ROBO2: variants seen among roughly 807,000 people sequenced by gnomAD.
The protein encoded by ROBO2 is roundabout homolog 2.
Under a neutral mutation model 160.8 loss-of-function variants are expected in ROBO2, and 53 were observed. The observed-to-expected ratio is 0.33, with a 90% CI of 0.26 to 0.41. The LOEUF (loss-of-function observed/expected upper bound fraction) is 0.41, where lower values mean the gene tolerates loss of function less well. Ranked by LOEUF, ROBO2 falls within the 10% of genes least tolerant of loss-of-function variation. The pLI is 1.00. For missense variants in ROBO2, 1,577 were observed against 1,722.4 expected, an observed-to-expected ratio of 0.92 and a Z score of 1.49; for synonymous variants, 664 against 611.7, an observed-to-expected ratio of 1.09 and a Z score of -1.26.
chr3:76,485,292 A>C (rs1469471240), intron 2 of ROBO2, among the ~76,000 whole-genome samples: 1 of 151,904 alleles, frequency 6.6e-6, no homozygotes, highest in Non-Finnish European at 1.5e-5. Context: ...GATTCTCACA[A>C]GGAGCACGCA....
intron 2 of ROBO2, among the ~76,000 whole-genome samples, chr3:76,666,024 T>C (rs528560912): frequency 9.8e-5 from 12 of 122,424 alleles, no homozygotes; most frequent in Middle Eastern, 4.2e-3. Flanking sequence ...TATTATATAT[T>C]ATATATATTA....
chr3:77,497,483 G>A (rs560648929), intron 5 of ROBO2, among the ~76,000 whole-genome samples: 2 of 152,152 alleles, frequency 1.3e-5, no homozygotes, highest in East Asian at 1.9e-4. Flanking sequence ...AAAGTAAGTC[G>A]TTTTAAACAA....
At chr3:76,769,510 TG>T (rs2061764052) in intron 2 of ROBO2, among the ~76,000 whole-genome samples, 1 of 151,432 alleles carries the variant, frequency 6.6e-6, no homozygotes, top group Admixed American at 6.6e-5. Flanking sequence ...ATTGTTTATT[TG>T]TAAATCATAA....
At chr3:75,954,041 C>T (rs1948642947) in intron 2 of ROBO2, among the ~76,000 whole-genome samples, 1 of 151,740 alleles carries the variant, frequency 6.6e-6, no homozygotes, top group African/African-American at 2.4e-5. Flanking sequence ...ATACCAGGTA[C>T]ATAATAAATA....
chr3:76,834,204 T>C (rs539111997), intron 2 of ROBO2, among the ~76,000 whole-genome samples: 6 of 149,080 alleles, frequency 4.0e-5, no homozygotes, highest in Non-Finnish European at 5.9e-5. Context: ...TTTCTTTCTT[T>C]CTTTCTTGTT....
At chr3:77,046,217 T>C (rs1042451886) in intron 1 of ROBO2, among the ~76,000 whole-genome samples, 1 of 152,216 alleles carries the variant, frequency 6.6e-6, no homozygotes, top group African/African-American at 2.4e-5. Flanking sequence ...ATTAGCAATA[T>C]ATGAAGTAGA....
At chr3:76,085,943 T>A (rs1431878210) in intron 2 of ROBO2, among the ~76,000 whole-genome samples, 1 of 152,152 alleles carries the variant, frequency 6.6e-6, no homozygotes, top group East Asian at 1.9e-4. Flanking sequence ...TGAACCAATT[T>A]GAAATACAAA....
intron 6 of ROBO2, among the ~76,000 whole-genome samples, chr3:77,530,258 T>C (rs1411423540): frequency 2.6e-5 from 4 of 151,968 alleles, no homozygotes; most frequent in Non-Finnish European, 5.9e-5. Context: ...AGTTTCTGCC[T>C]AGAGCTTTTG....
In ROBO2 at chr3:76,292,951, G is replaced by C. The variant is rs375138765; in HGVS notation, c.109+355349G>C. ...AGATATTTCTGAATGTCAAATGTCA[G>C]AAAGTACTAGGGTTTTTTTTTTTTT... is the stretch of plus-strand genomic sequence containing the variant. On this transcript the variant is annotated intron_variant, in intron 2 of 26. Transcript: ENST00000487694. Among the ~76,000 whole-genome samples, 21 of 149,712 alleles carry C rather than the reference G, an allele frequency of 1.4e-4. No individual in the cohort carries two copies. The East Asian group carries it at 1.8e-3, about 12-fold the overall frequency.
intron 2 of ROBO2, among the ~76,000 whole-genome samples, chr3:76,762,561 G>A (rs911917126): frequency 4.3e-4 from 65 of 150,274 alleles, no homozygotes; most frequent in South Asian, 4.2e-4. Flanking sequence ...TCTTTTGGTC[G>A]GATTATAAAT....
chr3:77,588,120 T>C (rs993773475), intron 16 of ROBO2, among the ~76,000 whole-genome samples: 1 of 152,076 alleles, frequency 6.6e-6, no homozygotes, highest in African/African-American at 2.4e-5. Context: ...TAGTTTCAGA[T>C]ACTTTAAGGG....
chr3:77,254,086 G>A (rs748137678), intron 2 of ROBO2, among the ~76,000 whole-genome samples: 7 of 152,002 alleles, frequency 4.6e-5, no homozygotes, highest in South Asian at 2.1e-4. Context: ...GCAACTTAGC[G>A]AGACCCTATC....
intron 2 of ROBO2, among the ~76,000 whole-genome samples, chr3:76,001,676 T>C (rs2065892888): frequency 6.6e-6 from 1 of 152,112 alleles, no homozygotes; most frequent in Non-Finnish European, 1.5e-5. Context: ...TAATTGGGAC[T>C]ACAGGCATTT....
At chr3:76,968,375 T>C (rs2059411028) in intron 2 of ROBO2, among the ~76,000 whole-genome samples, 2 of 152,194 alleles carry the variant, frequency 1.3e-5, no homozygotes, top group South Asian at 4.1e-4. Context: ...AGTTAGTATA[T>C]GTAACAGATA....
intron 2 of ROBO2, among the ~76,000 whole-genome samples, chr3:76,984,224 T>C (rs1355479776): frequency 6.6e-6 from 1 of 152,078 alleles, no homozygotes; most frequent in African/African-American, 2.4e-5. Flanking sequence ...CCGAACCATA[T>C]CAGCTGGGAT....
intron 2 of ROBO2, among the ~76,000 whole-genome samples, chr3:77,444,405 A>G (rs2080254095): frequency 6.6e-6 from 1 of 152,190 alleles, no homozygotes; most frequent in African/African-American, 2.4e-5. Context: ...TAACTTTTGT[A>G]TACATTAACT....
chr3:77,482,863 GA>G (rs967682729), intron 4 of ROBO2, among the ~76,000 whole-genome samples: 2,750 of 144,652 alleles, frequency 0.019, 75 homozygotes, highest in African/African-American at 0.062. Flanking sequence ...GGAATAGAAA[GA>G]AAAAAAAAAG....
chr3:76,301,354 A>G (rs1036957299), intron 2 of ROBO2, among the ~76,000 whole-genome samples: 6 of 152,122 alleles, frequency 3.9e-5, no homozygotes, highest in African/African-American at 1.2e-4. Context: ...TTGAAAATTA[A>G]TATTATCTAA....
At chr3:76,080,505 C>T (rs2068790155) in intron 2 of ROBO2, among the ~76,000 whole-genome samples, 1 of 152,172 alleles carries the variant, frequency 6.6e-6, no homozygotes, top group Admixed American at 6.5e-5. Flanking sequence ...GCAAAAGATA[C>T]TAATTTCTGC....
Sources: allele counts gnomAD v4.1 joint callset (sites outside exome capture counted in the v4.1 genomes callset), GRCh38; gene constraint gnomAD v4.1.1; transcripts MANE v1.5; gene names NCBI Gene and HGNC (gene_info 2026-07-23, HGNC 2026-07-21).